The following SH2D4A variants were observed in gnomAD, a reference collection of about 807,000 sequenced individuals.
SH2D4A encodes the protein SH2 domain containing 4A, also known as SH2 domain-containing protein 4A.
Under a neutral mutation model 64.7 loss-of-function variants are expected in SH2D4A, and 70 were observed. The observed-to-expected ratio is 1.08, with a 90% confidence interval of 0.89 to 1.32. The LOEUF is 1.32. Among genes scored for constraint, SH2D4A ranks in the 40% most tolerant of loss-of-function variants. The pLI is 0.00. For missense variants in SH2D4A, 706 were observed against 540.1 expected (o/e 1.31, Z -3.04); for synonymous variants, 268 against 200.7 (o/e 1.34, Z -2.83).
At chr8:19,352,641 G>C (rs1343921152) in intron 4 of SH2D4A, among the ~76,000 whole-genome samples, 1 of 152,190 alleles carries the variant, frequency 6.6e-6, no homozygotes, top group Admixed American at 6.5e-5. Flanking sequence ...CTCTCTGGGA[G>C]ACCCTGAGGA....
At chr8:19,367,458 A>G (rs924836996) in intron 7 of SH2D4A, among the ~76,000 whole-genome samples, 2 of 152,024 alleles carry the variant, frequency 1.3e-5, no homozygotes, top group African/African-American at 4.8e-5. Flanking sequence ...GGGCAAGGTG[A>G]TATTGTGGTT....
intron 8 of SH2D4A, among the ~76,000 whole-genome samples, chr8:19,392,732 C>A (rs2053513195): frequency 6.6e-6 from 1 of 151,848 alleles, no homozygotes. Context: ...GAAATATATT[C>A]CTTTTTTTTT....
At chr8:19,391,861 G>T (rs1390910400) in intron 8 of SH2D4A, among the ~76,000 whole-genome samples, 2 of 152,176 alleles carry the variant, frequency 1.3e-5, no homozygotes, top group Non-Finnish European at 2.9e-5. Flanking sequence ...TCCTGAGGTG[G>T]TTCTGTTATT....
intron 7 of SH2D4A, among the ~76,000 whole-genome samples, chr8:19,365,078 A>C (rs11997068): frequency 0.099 from 15,110 of 152,240 alleles, 2,477 homozygotes; most frequent in African/African-American, 0.34. Context: ...AAAGCCTTGC[A>C]TTCTGAAATA....
chr8:19,318,026 G>C, intron 1 of SH2D4A, among the ~76,000 whole-genome samples: 2 of 151,930 alleles, frequency 1.3e-5, no homozygotes. Context: ...TCAGCCTCTT[G>C]AGTAGCTGGG....
chr8:19,339,620 C>G (rs1190521187), intron 4 of SH2D4A, among the ~76,000 whole-genome samples: 2 of 152,002 alleles, frequency 1.3e-5, no homozygotes, highest in African/African-American at 4.8e-5. Context: ...CTGTCCCAGC[C>G]TCTCTAGTAG....
chr8:19,361,299 G>A lies in SH2D4A; in HGVS notation c.691G>A (p.Glu231Lys), dbSNP rs2052883055. The change falls in exon 6 of 10, where the codon GAA becomes AAA. Residue 231 changes from glutamate (E) to lysine (K), a missense_variant. Transcript: ENST00000265807. ...TTGTAAGAGCTGGAAAGAAGACTCG[G>A]AATGGCAGGCATCTCGTGAGTACCC... is the stretch of plus-strand genomic sequence containing the variant. Reference protein sequence around the residue: ...QICKSWKEDSEWQASLRKSKA... With the variant: ...QICKSWKEDSKWQASLRKSKA... 6.2e-7 allele frequency: 1 copy of A among 1,611,190 alleles called. No individual in the cohort carries two copies. The highest frequency in any genetic ancestry group is 1.7e-5 in the Admixed American group (1 of 59,516).
At chr8:19,338,170 C>A (rs1443013727) in intron 4 of SH2D4A, among the ~76,000 whole-genome samples, 1 of 152,048 alleles carries the variant, frequency 6.6e-6, no homozygotes, top group Non-Finnish European at 1.5e-5. Flanking sequence ...ATTATGCTAC[C>A]CTAATTATTA....
chr8:19,340,278 A>G (rs1242404796), intron 4 of SH2D4A, among the ~76,000 whole-genome samples: 1 of 152,090 alleles, frequency 6.6e-6, no homozygotes, highest in Non-Finnish European at 1.5e-5. Context: ...GGGGCTACTT[A>G]CGTGTTTTGA....
At chr8:19,339,814 C>A (rs770715585) in intron 4 of SH2D4A, among the ~76,000 whole-genome samples, 23 of 152,068 alleles carry the variant, frequency 1.5e-4, no homozygotes, top group Non-Finnish European at 2.6e-4. Flanking sequence ...ATACATTTTT[C>A]TTAGCTTAAA....
intron 1 of SH2D4A, among the ~76,000 whole-genome samples, chr8:19,314,535 C>T (rs900693736): frequency 6.6e-6 from 1 of 152,248 alleles, no homozygotes; most frequent in East Asian, 1.9e-4. Context: ...TCGGGGGTCA[C>T]GCGGGCACCG....
chr8:19,352,717 T>A (rs140790359), intron 4 of SH2D4A, among the ~76,000 whole-genome samples: 88 of 152,154 alleles, frequency 5.8e-4, no homozygotes, highest in African/African-American at 2.0e-3. Flanking sequence ...TATTAACAGG[T>A]CAACTTAGGC....
At chr8:19,389,301 C>T (rs2053444431) in intron 8 of SH2D4A, among the ~76,000 whole-genome samples, 1 of 152,176 alleles carries the variant, frequency 6.6e-6, no homozygotes, top group Non-Finnish European at 1.5e-5. Flanking sequence ...TCCCCGGGGC[C>T]TTTCCTGGGC....
At chr8:19,376,907 C>G (rs925695387) in intron 8 of SH2D4A, among the ~76,000 whole-genome samples, 1 of 152,120 alleles carries the variant, frequency 6.6e-6, no homozygotes, top group Non-Finnish European at 1.5e-5. Flanking sequence ...CATGAAAGAT[C>G]ATACAAATTT....
At chr8:19,316,699 C>T (rs978963139) in intron 1 of SH2D4A, among the ~76,000 whole-genome samples, 18 of 152,186 alleles carry the variant, frequency 1.2e-4, no homozygotes, top group Admixed American at 1.2e-3. Flanking sequence ...ATACATGGCA[C>T]CACATCCTGC....
chr8:19,334,849 A>C lies in SH2D4A; in HGVS notation c.505A>C (p.Lys169Gln). Reference sequence around the variant, plus strand: ...GCCAGCACCAACCCTGGAAGAAGAGAAAATCCGAGTGAGTCCTTACTGTCT... The same window carrying C: ...GCCAGCACCAACCCTGGAAGAAGAGCAAATCCGAGTGAGTCCTTACTGTCT... ...SRPAPTLEEE[K>Q]IRSLSSSSRN... is the part of the protein sequence containing the mutation. Residue 169 changes from lysine to glutamine, a missense_variant, in exon 4 of 10, where the codon AAA becomes CAA. By Grantham distance (53) the Lys-to-Gln change is moderately conservative. Transcript: ENST00000265807. 6.2e-7 allele frequency: 1 copy of C among 1,603,114 alleles called. No homozygotes were observed. Among genetic ancestry groups the C allele is most frequent in the Non-Finnish European group, 8.5e-7 (1 of 1,177,352 alleles).
chr8:19,327,821 G>T (rs765492253), intron 2 of SH2D4A, among the ~76,000 whole-genome samples: 1 of 152,148 alleles, frequency 6.6e-6, no homozygotes, highest in Admixed American at 6.5e-5. Context: ...CAGAGCACAC[G>T]CTGACTGCCG....
chr8:19,371,922 A>C (rs2053106175), intron 7 of SH2D4A, among the ~76,000 whole-genome samples: 1 of 152,034 alleles, frequency 6.6e-6, no homozygotes, highest in Admixed American at 6.6e-5. Context: ...TCCCTGATAA[A>C]TTTTTGAATT....
At chr8:19,317,367 A>G (rs1313550898) in intron 1 of SH2D4A, among the ~76,000 whole-genome samples, 2 of 150,864 alleles carry the variant, frequency 1.3e-5, no homozygotes, top group East Asian at 1.9e-4. Flanking sequence ...GCAAAATACA[A>G]AGTTGGCAAG....
Sources: allele counts gnomAD v4.1 joint callset (sites outside exome capture counted in the v4.1 genomes callset), GRCh38; gene constraint gnomAD v4.1.1; transcripts MANE v1.5; gene names NCBI Gene and HGNC (gene_info 2026-07-23, HGNC 2026-07-21).